Variants in GALK1 observed in about 807,000 individuals in gnomAD.
GALK1 encodes galactokinase.
In GALK1, 30 loss-of-function variants were observed where a neutral mutation model predicts 38.6. The observed-to-expected ratio is 0.78, with a 90% CI of 0.58 to 1.05. GALK1 has a LOEUF of 1.05. GALK1 is among the 50% of genes least tolerant of loss of function. The pLI is 0.00. For missense variants in GALK1, 512 were observed against 540.5 expected, an observed-to-expected ratio of 0.95 and a Z score of 0.52; for synonymous variants, 240 against 233.6, an observed-to-expected ratio of 1.03 and a Z score of -0.25.
chr17:75,759,077 G>A (rs1220145987), intron 5 of GALK1, among the ~76,000 whole-genome samples: 2 of 152,172 alleles, frequency 1.3e-5, no homozygotes. Context: ...GTTTAAGGGG[G>A]AAGGTTGTTA....
chr17:75,756,870 C>G, downstream of GALK1: 1 of 1,612,286 alleles, frequency 6.2e-7, no homozygotes, highest in Admixed American at 1.7e-5. Flanking sequence ...GTGCTGCCCA[C>G]CCCGGGGGCA....
In GALK1 at chr17:75,764,056, TGCCCA is replaced by T. The variant is rs1220887729; in HGVS notation, c.191_195del (p.Val64GlufsTer15). 1.3e-6 allele frequency: 2 copies of T among 1,593,634 alleles called. No homozygotes were observed. The highest frequency in any genetic ancestry group is 2.7e-5 in the African/African-American group (2 of 74,660). On this transcript the variant is annotated frameshift_variant, in exon 2 of 8. Coordinates refer to ENST00000588479, the MANE Select transcript of GALK1 (RefSeq NM_000154.2). LOFTEE classifies it high-confidence loss of function. ...GACACCAGCCCATCCTTGCGGGGGC[TGCCCA>T]CCAGCACCGTCATGAGCTCCAGAGC... is the stretch of plus-strand genomic sequence containing the variant.
chr17:75,755,584 A>G, downstream of GALK1: 2 of 1,336,608 alleles, frequency 1.5e-6, no homozygotes, highest in Non-Finnish European at 2.1e-6. Context: ...TGAGTTGTCC[A>G]GCCAGCGGTC....
chr17:75,754,860 C>A (rs780529236), downstream of GALK1: 1 of 1,613,222 alleles, frequency 6.2e-7, no homozygotes, highest in Non-Finnish European at 8.5e-7. Flanking sequence ...AACCCTTCCT[C>A]TCTTCCAGCT....
chr17:75,757,109 T>A (rs780675808), downstream of GALK1: 2 of 1,611,898 alleles, frequency 1.2e-6, no homozygotes, highest in South Asian at 2.2e-5. Context: ...AGGATGGAGG[T>A]AGGCACCTGT....
At chr17:75,752,279 C>T (rs1277406798) in intron 8 of GALK1, 2 of 1,613,404 alleles carry the variant, frequency 1.2e-6, no homozygotes, top group Admixed American at 1.7e-5. Context: ...ACGGTGAAGG[C>T]GCGCAACGGG....
At chr17:75,762,946 A>G in intron 4 of GALK1, 61 bp from the exon 5 acceptor site, 1 of 1,471,658 alleles carries the variant, frequency 6.8e-7, no homozygotes, top group Non-Finnish European at 8.9e-7. Context: ...TGCGCCAGGC[A>G]GTGGGCACAC....
chr17:75,752,168 C>T lies in GALK1; in HGVS notation c.*23-431G>A, dbSNP rs1427113916. 3.7e-6 allele frequency: 6 copies of T among 1,613,752 alleles called. No homozygotes were observed. The Admixed American group carries it at 1.0e-4, about 27-fold the overall frequency. On this transcript the variant is annotated intron_variant, in intron 8 of 8. Coordinates refer to the GALK1 transcript ENST00000225614. ...GTGACCCTCTGAAGCACTCTCTCTG[C>T]CCCAGGACCTATTGGGCCCATGAAG...
downstream of GALK1, chr17:75,756,955 C>T (rs750367954): frequency 4.1e-5 from 66 of 1,612,546 alleles, 1 homozygote; most frequent in African/African-American, 6.7e-5. Context: ...CCAGCCACCG[C>T]ATTCCGGGTG....
Position 75,758,220 on chromosome 17 carries a change from C to T in GALK1, c.1097G>A (p.Arg366Gln), listed in dbSNP as rs538714933. 13 of 1,606,010 alleles carry T rather than the reference C, an allele frequency of 8.1e-6. No individual in the cohort carries two copies. The highest frequency in any genetic ancestry group is 5.5e-5 in the South Asian group (5 of 90,236). ...CTGGTGCCCGCCCACCTGGATGTGC[C>T]GCATGGCGTGGGGAGCAGCGGAGGC... ...LEASAAPHAM[R>Q]HIQEHYGGTA... The change falls in exon 7 of 8, where the codon CGG becomes CAG. Residue 366 changes from arginine (R) to glutamine (Q), a missense_variant. Coordinates refer to ENST00000588479, the MANE Select transcript of GALK1 (RefSeq NM_000154.2).
chr17:75,763,896 C>T lies in GALK1; in HGVS notation c.355+1G>A. The T allele has an allele frequency of 6.2e-7, 1 of 1,613,782 alleles. No homozygotes were observed. The highest frequency in any genetic ancestry group is 8.5e-7 in the Non-Finnish European group (1 of 1,179,934). On this transcript the variant is annotated splice_donor_variant, in intron 2 of 7. Coordinates refer to ENST00000588479, the MANE Select transcript of GALK1 (RefSeq NM_000154.2). LOFTEE classifies it high-confidence loss of function. ...ACTTGGCTCAGGCCTGGGCCCCATA[C>T]CTGGGTAGTACTGAATCACTCCCTT... is the stretch of plus-strand genomic sequence containing the variant.
rs371680833 is a variant in GALK1, at chr17:75,763,172, G to T, written c.476-23C>A. 17 of 1,610,868 alleles carry T rather than the reference G, an allele frequency of 1.1e-5. No homozygotes were observed. The highest frequency in any genetic ancestry group is 1.4e-5 in the Non-Finnish European group (16 of 1,179,444). On this transcript the variant is annotated intron_variant, in intron 3 of 7. Transcript: ENST00000588479. ...AGTCTGCAGTACAGGGTGAGGTGGG[G>T]AGGCTAGGGCTGGTGGAAGCAGCAG...
downstream of GALK1, among the ~76,000 whole-genome samples, chr17:75,753,104 C>T (rs1053238388): frequency 1.3e-5 from 2 of 152,234 alleles, no homozygotes; most frequent in Non-Finnish European, 2.9e-5. Flanking sequence ...TTCCATGCCT[C>T]ACTTTTCTGC....
Position 75,758,286 on chromosome 17 carries a change from G to A in GALK1, c.1031C>T (p.Thr344Met), listed in dbSNP as rs371517491. Residue 344 changes from threonine (T) to methionine (M), a missense_variant, in exon 7 of 8, where the codon ACG becomes ATG. Coordinates refer to ENST00000588479, the MANE Select transcript of GALK1 (RefSeq NM_000154.2). ...AVPGVYGSRMTGGGFGGCTVT... is the reference protein window; with the variant it reads ...AVPGVYGSRMMGGGFGGCTVT... ...CGTGCAGCCACCGAAGCCACCGCCCGTCATGCGGCTGCCATAAACCCCAGG... is the reference window on the plus strand; with the variant it reads ...CGTGCAGCCACCGAAGCCACCGCCCATCATGCGGCTGCCATAAACCCCAGG... 36 of 1,591,278 alleles carry A rather than the reference G, an allele frequency of 2.3e-5. No homozygotes were observed. The highest frequency in any genetic ancestry group is 1.6e-4 in the Middle Eastern group (1 of 6,062).
chr17:75,756,352 A>T (rs949181804), downstream of GALK1: 2 of 1,538,680 alleles, frequency 1.3e-6, no homozygotes, highest in African/African-American at 2.7e-5. Flanking sequence ...TCTCGATGGC[A>T]GCTTAGGGAC....
downstream of GALK1, chr17:75,756,662 C>T (rs1373608764): frequency 1.2e-6 from 2 of 1,613,122 alleles, no homozygotes; most frequent in South Asian, 2.2e-5. Context: ...ATCATGCCCA[C>T]CACCCACCCA....
At chr17:75,757,350 CA>C (rs780652046), downstream of GALK1, 2 of 1,612,596 alleles carry the variant, frequency 1.2e-6, no homozygotes, top group East Asian at 4.5e-5. Context: ...TCTCCTGGGA[CA>C]GGGAGCTAGC....
At chr17:75,752,229 G>A (rs368037184) in intron 8 of GALK1, 4 of 1,613,792 alleles carry the variant, frequency 2.5e-6, no homozygotes, top group African/African-American at 1.3e-5. Flanking sequence ...ACCGGATGCT[G>A]CTTATTGAGA....
rs752159077 is a variant in GALK1 at position 75,758,138 on chromosome 17, C to T, written c.1108-11G>A. ...CCCGCCGTAGTGCTCCTGTAAGAGG[C>T]GGGCTGGGGGTGAGTGGCAGGGCCC... On this transcript the variant is annotated splice_polypyrimidine_tract_variant and intron_variant, in intron 7 of 7. Coordinates refer to ENST00000588479, the MANE Select transcript of GALK1 (RefSeq NM_000154.2). 17 of 1,612,278 alleles carry T rather than the reference C, an allele frequency of 1.1e-5. No homozygotes were observed. The highest frequency in any genetic ancestry group is 1.6e-4 in the Middle Eastern group (1 of 6,080).
Sources: gnomAD v4.1 joint callset for allele counts (sites outside exome capture counted in the v4.1 genomes callset) on GRCh38, gnomAD v4.1.1 for gene constraint, MANE v1.5 for transcripts, NCBI Gene and HGNC (gene_info 2026-07-23, HGNC 2026-07-21) for gene names.